PCBP3: variants seen among roughly 807,000 people sequenced by gnomAD.
PCBP3 encodes poly(rC) binding protein 3, also known as poly(rC)-binding protein 3.
PCBP3 carries 25 observed loss-of-function variants against 52.7 expected under a neutral mutation model. The observed-to-expected ratio is 0.47, with a 90% confidence interval of 0.35 to 0.66. PCBP3 has a LOEUF of 0.66. PCBP3 is among the 30% of genes least tolerant of loss of function. PCBP3 has a pLI of 0.01. For synonymous variants in PCBP3, 162 were observed against 183.0 expected (o/e 0.89, Z 0.93); for missense variants, 391 against 490.3 (o/e 0.80, Z 1.91).
chr21:45,760,804 G>A (rs1284155189), intron 4 of PCBP3: 1 of 152,190 alleles, frequency 6.6e-6, no homozygotes, highest in Non-Finnish European at 1.5e-5. Flanking sequence ...GTTCCATTGA[G>A]GCCGGGCGCG....
intron 2 of PCBP3, among the ~76,000 whole-genome samples, chr21:45,720,410 T>A (rs1455251930): frequency 6.6e-6 from 1 of 152,232 alleles, no homozygotes; most frequent in Non-Finnish European, 1.5e-5. Flanking sequence ...CATTCTTTTT[T>A]ATGGCTGCAT....
At chr21:45,789,858 G>A (rs1210138056) in intron 4 of PCBP3, among the ~76,000 whole-genome samples, 2 of 152,194 alleles carry the variant, frequency 1.3e-5, no homozygotes, top group Non-Finnish European at 2.9e-5. Context: ...ATAGTCTCTC[G>A]GCCGGGCGCA....
chr21:45,746,945 C>CA lies in PCBP3; in HGVS notation c.-161-8472_-161-8471insA, dbSNP rs1422431436. On this transcript the variant is annotated intron_variant, in intron 3 of 17. Coordinates refer to ENST00000681687, the MANE Select transcript of PCBP3 (RefSeq NM_001384156.1). ...TCGCCGTGTCAGTCCATTGACGTAGCGCACACGGTGTTGTCAGCATCGCTG... is the reference window on the plus strand; with the variant it reads ...TCGCCGTGTCAGTCCATTGACGTAGCAGCACACGGTGTTGTCAGCATCGCTG... 1.2e-4 allele frequency among the ~76,000 whole-genome samples: 9 copies of CA among 73,476 alleles called. 2 individuals are homozygous for CA. The highest frequency in any genetic ancestry group is 9.2e-4 in the African/African-American group (9 of 9,734). 48.2% of individuals were successfully genotyped at this position (73,476 alleles called of 152,430 possible).
At position 45,896,125 on chromosome 21, in the gene PCBP3, G is replaced by T. The variant is rs1201330126; in HGVS notation, c.11-83G>T. On this transcript the variant is annotated intron_variant, in intron 5 of 17. Transcript: ENST00000681687. ...CATTCTCCTGCCACCCGGGAGGCCG[G>T]AGTGGGAGCGGCCCAGGACACCCCT... The T allele has an allele frequency of 7.5e-6, 10 of 1,337,736 alleles. No homozygotes were observed. In the East Asian group the frequency reaches 2.5e-4, roughly 34 times the overall value. The allele number at this position is 1,337,736 out of a possible 1,614,324, so 82.9% of individuals were successfully genotyped here.
Position 45,656,119 on chromosome 21 carries a change from T to C in PCBP3, c.-279+12251T>C, listed in dbSNP as rs963750077. 4.6e-5 allele frequency among the ~76,000 whole-genome samples: 7 copies of C among 152,192 alleles called. No individual in the cohort carries two copies. Among genetic ancestry groups the C allele is most frequent in the Non-Finnish European group, 7.4e-5 (5 of 68,022 alleles). On this transcript the variant is annotated intron_variant, in intron 1 of 17. Coordinates refer to ENST00000681687, the MANE Select transcript of PCBP3 (RefSeq NM_001384156.1). The surrounding 1 kb of genome is among the most constrained non-coding windows in gnomAD (Gnocchi z 4.3). ...AAGGATCTAGAACCAGAAATACCATTTGACCCAGCAATCCCATTACTGGGT... is the reference window on the plus strand; with the variant it reads ...AAGGATCTAGAACCAGAAATACCATCTGACCCAGCAATCCCATTACTGGGT...
intron 4 of PCBP3, among the ~76,000 whole-genome samples, chr21:45,797,825 G>A (rs374100272): frequency 4.0e-3 from 1 of 250 alleles, no homozygotes; most frequent in African/African-American, 0.013. Context: ...ACAGATGCAT[G>A]TATCCATAGA....
Position 45,795,116 on chromosome 21 carries a change from A to T in PCBP3, c.-126+39664A>T, listed in dbSNP as rs550083677. Among the ~76,000 whole-genome samples, 5 of 152,340 alleles carry T rather than the reference A, an allele frequency of 3.3e-5. No individual in the cohort carries two copies. In the South Asian group the frequency reaches 1.0e-3, roughly 32 times the overall value. On this transcript the variant is annotated intron_variant, in intron 4 of 17. Transcript: ENST00000681687. ...ACGATCATTGTGAACTTTTATGTAC[A>T]TAATTACATAGCTGTGAAATTTATG...
intron 4 of PCBP3, among the ~76,000 whole-genome samples, chr21:45,797,813 G>GGAC (rs2092049059): frequency 4.0e-3 from 1 of 250 alleles, no homozygotes; most frequent in Admixed American, 0.083. Context: ...ATACGTGGAT[G>GGAC]GACAGATGCA....
intron 2 of PCBP3, among the ~76,000 whole-genome samples, chr21:45,721,895 G>A (rs1027691587): frequency 1.3e-5 from 2 of 152,208 alleles, no homozygotes; most frequent in African/African-American, 2.4e-5. Flanking sequence ...GTCACTTTGC[G>A]TGTCTCAGAG....
chr21:45,658,948 AGTT>A (rs2080199991), intron 1 of PCBP3, among the ~76,000 whole-genome samples: 2 of 150,982 alleles, frequency 1.3e-5, no homozygotes, highest in African/African-American at 4.9e-5. Context: ...ATTGGCCATC[AGTT>A]GTTCATAATA....
At chr21:45,903,108 A>C (rs922025935) in intron 9 of PCBP3, among the ~76,000 whole-genome samples, 2 of 152,160 alleles carry the variant, frequency 1.3e-5, no homozygotes, top group Non-Finnish European at 1.5e-5. Flanking sequence ...TGAGGTATTC[A>C]TCTGAGGCCA....
At chr21:45,860,834 G>A (rs1569346250) in intron 5 of PCBP3, among the ~76,000 whole-genome samples, 1 of 152,180 alleles carries the variant, frequency 6.6e-6, no homozygotes, top group South Asian at 2.1e-4. Context: ...GATTGGTAGA[G>A]GAAACAGTGT....
At position 45,741,580 on chromosome 21, in the gene PCBP3, G is replaced by C. The variant is rs1394600885; in HGVS notation, c.-162+6151G>C. ...AGCTCAGGGAAGGATTGTGATGTAG[G>C]GGGCAAGGGAGGGGTAGGGCCACTG... On this transcript the variant is annotated intron_variant, in intron 3 of 17. Transcript: ENST00000681687. This position sits in a 1 kb window ranked among gnomAD's most constrained non-coding sequence, Gnocchi z 4.5. Among the ~76,000 whole-genome samples, 2 of 152,122 alleles carry C rather than the reference G, an allele frequency of 1.3e-5. No individual in the cohort carries two copies. Among genetic ancestry groups the C allele is most frequent in the Non-Finnish European group, 2.9e-5 (2 of 68,014 alleles).
intron 4 of PCBP3, among the ~76,000 whole-genome samples, chr21:45,844,919 A>G (rs1302693181): frequency 5.3e-5 from 8 of 150,818 alleles, no homozygotes; most frequent in Non-Finnish European, 7.4e-5. Flanking sequence ...CTTTATTTAT[A>G]TATATAGTTT....
intron 4 of PCBP3, among the ~76,000 whole-genome samples, chr21:45,816,403 A>C (rs999539604): frequency 6.6e-5 from 10 of 150,428 alleles, no homozygotes; most frequent in African/African-American, 2.4e-4. Context: ...CTTTGTTTTT[A>C]TAAGAATTTT....
Position 45,755,406 on chromosome 21 carries a change from A to G in PCBP3, c.-161-11A>G, listed in dbSNP as rs1169247079. Among the ~76,000 whole-genome samples the G allele has an allele frequency of 6.6e-6, 1 of 152,100 alleles. No homozygotes were observed. The highest frequency in any genetic ancestry group is 1.5e-5 in the Non-Finnish European group (1 of 68,016). The stretch of plus-strand genomic sequence containing the variant: ...GGTCTTTATGTGGATGTATGTTTTC[A>G]TTTTTCATAGGTAAATACCTAGGAG... On this transcript the variant is annotated splice_polypyrimidine_tract_variant and intron_variant, in intron 3 of 17. Coordinates refer to ENST00000681687, the MANE Select transcript of PCBP3 (RefSeq NM_001384156.1).
intron 15 of PCBP3, among the ~76,000 whole-genome samples, chr21:45,932,901 A>G (rs1448852646): frequency 7.7e-6 from 1 of 129,318 alleles, no homozygotes; most frequent in East Asian, 2.6e-4. Flanking sequence ...TGAGATGAAT[A>G]AACACATCAG....
intron 5 of PCBP3, among the ~76,000 whole-genome samples, chr21:45,889,452 G>A (rs1336404719): frequency 1.3e-5 from 2 of 152,236 alleles, no homozygotes; most frequent in African/African-American, 4.8e-5. Flanking sequence ...CCTGGCAGAT[G>A]CAGCTCAGAG....
At chr21:45,887,937 G>T (rs367551522) in intron 5 of PCBP3, among the ~76,000 whole-genome samples, 3 of 152,224 alleles carry the variant, frequency 2.0e-5, no homozygotes, top group Non-Finnish European at 4.4e-5. Flanking sequence ...AGGTTGGGCC[G>T]CCTTTCCCTG....
Sources: gnomAD v4.1 joint callset for allele counts (sites outside exome capture counted in the v4.1 genomes callset) on GRCh38, gnomAD v4.1.1 for gene constraint, Gnocchi (gnomAD v3.1) non-coding constraint, MANE v1.5 for transcripts, NCBI Gene and HGNC (gene_info 2026-07-23, HGNC 2026-07-21) for gene names.